Variants in PPARD observed in about 807,000 individuals in gnomAD.
PPARD encodes peroxisome proliferator activated receptor delta.
Under a neutral mutation model 39.5 loss-of-function variants are expected in PPARD, and 6 were observed. That is an observed-to-expected ratio of 0.15 (90% CI 0.08 to 0.30). The LOEUF (loss-of-function observed/expected upper bound fraction) is 0.30, where lower values mean the gene tolerates loss of function less well. Ranked by LOEUF, PPARD falls within the 10% of genes least tolerant of loss-of-function variation. The pLI is 1.00. For missense variants in PPARD, 397 were observed against 596.8 expected, an observed-to-expected ratio of 0.67 and a Z score of 3.49; for synonymous variants, 210 against 231.3, an observed-to-expected ratio of 0.91 and a Z score of 0.83.
rs1422847033 is a variant in PPARD at position 35,343,794 on chromosome 6, C to T, written c.-186+1113C>T. Among the ~76,000 whole-genome samples the T allele has an allele frequency of 5.9e-5, 9 of 152,146 alleles. No individual in the cohort carries two copies. The South Asian group carries it at 1.7e-3, about 28-fold the overall frequency. ...CCAATTCTTTTCCCCTTCCAGGAACCGGGGTTTTGTGTCTTTCCACTCTGG... is the reference window on the plus strand; with the variant it reads ...CCAATTCTTTTCCCCTTCCAGGAACTGGGGTTTTGTGTCTTTCCACTCTGG... On this transcript the variant is annotated intron_variant, in intron 1 of 7. Transcript: ENST00000360694.
intron 2 of PPARD, among the ~76,000 whole-genome samples, chr6:35,374,537 A>G (rs1303374025): frequency 6.6e-6 from 1 of 151,772 alleles, no homozygotes; most frequent in Non-Finnish European, 1.5e-5. Context: ...AGGCACCTGT[A>G]GTCCCAGCTA....
chr6:35,421,592 G>A (rs1215696979), intron 4 of PPARD, among the ~76,000 whole-genome samples: 3 of 151,886 alleles, frequency 2.0e-5, no homozygotes, highest in East Asian at 3.9e-4. Context: ...CGCCCACCTC[G>A]GCCTCTCAAA....
intron 2 of PPARD, among the ~76,000 whole-genome samples, chr6:35,398,275 A>G (rs1484454954): frequency 1.3e-5 from 2 of 152,206 alleles, no homozygotes; most frequent in African/African-American, 4.8e-5. Flanking sequence ...TAATCCAGGC[A>G]GGAGATGGTG....
At chr6:35,351,216 G>A (rs1331317432) in intron 2 of PPARD, among the ~76,000 whole-genome samples, 5 of 151,866 alleles carry the variant, frequency 3.3e-5, no homozygotes, top group African/African-American at 7.3e-5. Flanking sequence ...TAGTAGAGAC[G>A]GGGTTTCACC....
intron 2 of PPARD, among the ~76,000 whole-genome samples, chr6:35,410,554 C>T (rs543456543): frequency 3.3e-4 from 50 of 152,300 alleles, no homozygotes; most frequent in Admixed American, 7.8e-4. Flanking sequence ...ACAGCAGAGC[C>T]GTGATTCTTG....
chr6:35,368,171 G>A (rs1762302148), intron 2 of PPARD, among the ~76,000 whole-genome samples: 1 of 152,232 alleles, frequency 6.6e-6, no homozygotes, highest in Non-Finnish European at 1.5e-5. Flanking sequence ...CCTTTTCACA[G>A]ATGAGCATCC....
At chr6:35,351,052 GTC>G (rs1248743964) in intron 2 of PPARD, among the ~76,000 whole-genome samples, 6 of 152,086 alleles carry the variant, frequency 3.9e-5, no homozygotes, top group Non-Finnish European at 7.4e-5. Flanking sequence ...TTGAGACGGA[GTC>G]TCTCTCTGTC....
chr6:35,411,020 C>T lies in PPARD; in HGVS notation c.-68C>T, dbSNP rs1393254664. On this transcript the variant is annotated 5_prime_UTR_variant, in exon 3 of 8. Coordinates refer to ENST00000360694, the MANE Select transcript of PPARD (RefSeq NM_006238.5). ...GAACCACCCTGTAGAGGTCCATCTGCGTTCAGACCCAGACGATGCCAGAGC... is the reference window on the plus strand; with the variant it reads ...GAACCACCCTGTAGAGGTCCATCTGTGTTCAGACCCAGACGATGCCAGAGC... 5.1e-6 allele frequency: 7 copies of T among 1,376,284 alleles called. No homozygotes were observed. The highest frequency in any genetic ancestry group is 2.7e-5 in the East Asian group (1 of 36,394). 85.3% of individuals were successfully genotyped at this position (1,376,284 alleles called of 1,614,324 possible).
intron 2 of PPARD, 88 bp from the exon 3 acceptor site, chr6:35,410,899 A>T: frequency 8.0e-7 from 1 of 1,245,210 alleles, no homozygotes; most frequent in Non-Finnish European, 1.0e-6. Flanking sequence ...CCCCTCCATG[A>T]CAGCAGCCCC....
intron 2 of PPARD, among the ~76,000 whole-genome samples, chr6:35,384,991 GC>G (rs1763515818): frequency 7.2e-6 from 1 of 139,526 alleles, no homozygotes; most frequent in Non-Finnish European, 1.5e-5. Context: ...CGGGCCAGCC[GC>G]CCCGTCCGGG....
At chr6:35,388,580 C>T (rs948067412) in intron 2 of PPARD, among the ~76,000 whole-genome samples, 5 of 152,052 alleles carry the variant, frequency 3.3e-5, no homozygotes, top group Admixed American at 3.3e-4. Flanking sequence ...GGCGTGGTGG[C>T]GCACACGTGT....
intron 3 of PPARD, among the ~76,000 whole-genome samples, chr6:35,414,511 G>A (rs1765625645): frequency 6.6e-6 from 1 of 151,148 alleles, no homozygotes; most frequent in South Asian, 2.1e-4. Context: ...CATGTGTCCA[G>A]AGCAGAAGGG....
chr6:35,404,743 CTCTG>C (rs1764920133), intron 2 of PPARD, among the ~76,000 whole-genome samples: 1 of 152,180 alleles, frequency 6.6e-6, no homozygotes, highest in Non-Finnish European at 1.5e-5. Context: ...GGCTTAGTTG[CTCTG>C]GCCCCAGACC....
intron 2 of PPARD, among the ~76,000 whole-genome samples, chr6:35,399,021 G>A (rs1581626878): frequency 6.6e-6 from 1 of 152,248 alleles, no homozygotes; most frequent in East Asian, 1.9e-4. Flanking sequence ...TCTGAGGTGG[G>A]AGAATTGCTT....
chr6:35,407,665 TAATAA>T (rs1765143882), intron 2 of PPARD, among the ~76,000 whole-genome samples: 1 of 148,838 alleles, frequency 6.7e-6, no homozygotes, highest in East Asian at 2.0e-4. Context: ...AGTATAATAA[TAATAA>T]AATAAATAAA....
Position 35,426,128 on chromosome 6 carries a change from G to A in PPARD, c.*49G>A. ...AGACTCCAATGGGGCCAGCACTGGA[G>A]GGGCCCACCCACATGACTTTTCCAT... On this transcript the variant is annotated 3_prime_UTR_variant, in exon 8 of 8. Coordinates refer to ENST00000360694, the MANE Select transcript of PPARD (RefSeq NM_006238.5). The A allele has an allele frequency of 6.3e-7, 1 of 1,586,144 alleles. No individual in the cohort carries two copies.
rs187338613 is a variant in PPARD, at chr6:35,387,337, T to G, written c.-101-23650T>G. Among the ~76,000 whole-genome samples, 102 of 152,332 alleles carry G rather than the reference T, an allele frequency of 6.7e-4. 2 individuals carry two copies. Among genetic ancestry groups the G allele is most frequent in the Admixed American group, 5.5e-3 (84 of 15,298 alleles). On this transcript the variant is annotated intron_variant, in intron 2 of 7. Coordinates refer to ENST00000360694, the MANE Select transcript of PPARD (RefSeq NM_006238.5). The stretch of plus-strand genomic sequence containing the variant: ...AGCTGCCCATGGTTTACCCTCAGGA[T>G]GAACTCTAGGAAGCTGGGGAGCACT...
chr6:35,386,596 G>A (rs1173614436), intron 2 of PPARD, among the ~76,000 whole-genome samples: 1 of 152,164 alleles, frequency 6.6e-6, no homozygotes, highest in East Asian at 1.9e-4. Context: ...TAACTTCAAG[G>A]TCAAGACTCC....
chr6:35,425,757 AG>A lies in PPARD; in HGVS notation c.1079-74del. On this transcript the variant is annotated intron_variant, in intron 7 of 7. Transcript: ENST00000360694. The surrounding 1 kb of genome is among the most constrained non-coding windows in gnomAD (Gnocchi z 4.5). ...AGGAGGCCTGCCGTCCCCTGGGCCA[AG>A]TCACCTCTTGGGGTGGAAGTAGGGG... The A allele has an allele frequency of 6.4e-7, 1 of 1,573,722 alleles. No individual in the cohort carries two copies. The highest frequency in any genetic ancestry group is 8.6e-7 in the Non-Finnish European group (1 of 1,161,802).
Sources: allele counts gnomAD v4.1 joint callset (sites outside exome capture counted in the v4.1 genomes callset), GRCh38; gene constraint gnomAD v4.1.1; non-coding constraint Gnocchi (gnomAD v3.1); transcripts MANE v1.5; gene names NCBI Gene and HGNC (gene_info 2026-07-23, HGNC 2026-07-21).